CDKAL1: variants seen among roughly 807,000 people sequenced by gnomAD.
The protein encoded by CDKAL1 is threonylcarbamoyladenosine tRNA methylthiotransferase.
Under a neutral mutation model 68.2 loss-of-function variants are expected in CDKAL1, and 32 were observed. That is an observed-to-expected ratio of 0.47 (90% confidence interval 0.35 to 0.63). CDKAL1 has a LOEUF of 0.63. Among genes scored for constraint, CDKAL1 ranks in the 30% least tolerant of loss-of-function variants. CDKAL1 has a pLI of 0.00. For missense variants in CDKAL1, 606 were observed against 696.7 expected (o/e 0.87, Z 1.47); for synonymous variants, 234 against 244.3 (o/e 0.96, Z 0.39).
chr6:20,649,475 T>C (rs1768646003), intron 5 of CDKAL1, 98 bp downstream of exon 5: 1 of 646,164 alleles, frequency 1.5e-6, no homozygotes, highest in Non-Finnish European at 2.6e-6. Context: ...ATATTTAGTT[T>C]ATATTAAAAA....
intron 8 of CDKAL1, among the ~76,000 whole-genome samples, chr6:20,813,961 ATGCCTCT>A (rs1561799583): frequency 2.0e-5 from 3 of 152,008 alleles, no homozygotes; most frequent in African/African-American, 4.8e-5. Flanking sequence ...TTACAAAAAA[ATGCCTCT>A]TTTATTATTG....
intron 13 of CDKAL1, among the ~76,000 whole-genome samples, chr6:21,194,742 A>G (rs536181247): frequency 1.3e-5 from 2 of 152,304 alleles, no homozygotes; most frequent in East Asian, 1.9e-4. Context: ...AGGCTTGTAT[A>G]TGTTTCCTTA....
At chr6:20,563,434 A>C (rs1181026911) in intron 4 of CDKAL1, among the ~76,000 whole-genome samples, 1 of 152,202 alleles carries the variant, frequency 6.6e-6, no homozygotes, top group Admixed American at 6.5e-5. Flanking sequence ...TATCATTTCC[A>C]TTTGTAACGG....
At chr6:20,705,745 A>G (rs1236855657) in intron 5 of CDKAL1, among the ~76,000 whole-genome samples, 2 of 152,156 alleles carry the variant, frequency 1.3e-5, no homozygotes, top group Non-Finnish European at 2.9e-5. Flanking sequence ...ATTTTAGAGG[A>G]GTCTAGTACT....
At chr6:20,948,224 C>T (rs1394741854) in intron 9 of CDKAL1, among the ~76,000 whole-genome samples, 1 of 151,848 alleles carries the variant, frequency 6.6e-6, no homozygotes, top group African/African-American at 2.4e-5. Context: ...GCTCTGTTGC[C>T]CAGGCTGGTC....
At chr6:20,971,134 C>T (rs193059882) in intron 10 of CDKAL1, among the ~76,000 whole-genome samples, 6 of 152,246 alleles carry the variant, frequency 3.9e-5, no homozygotes, top group Middle Eastern at 3.4e-3. Context: ...GGCATGAGCC[C>T]ACCATGCACG....
chr6:20,858,427 T>C (rs17826361), intron 9 of CDKAL1, among the ~76,000 whole-genome samples: 10,156 of 152,220 alleles, frequency 0.067, 384 homozygotes, highest in Middle Eastern at 0.082. Context: ...AAAGGGACCT[T>C]GAACTTCCTT....
rs770070048 is a variant in CDKAL1, at chr6:21,198,059, T to A, written c.1338T>A (p.Ser446=). ...ERQQVLVTEE[S]FDSKFYVAHN... is the part of the protein sequence containing the mutation. ...AACAAGTGTTAGTAACAGAAGAATC[T>A]TTTGATTCCAAGTTTTATGTTGCAC... The change falls in exon 14 of 16, where the codon TCT becomes TCA. Residue 446 remains serine, a synonymous_variant. Coordinates refer to ENST00000274695, the MANE Select transcript of CDKAL1 (RefSeq NM_017774.3). 22 of 1,607,454 alleles carry A rather than the reference T, an allele frequency of 1.4e-5. 2 individuals carry two copies. In the South Asian group the frequency reaches 2.5e-4, roughly 18 times the overall value.
chr6:20,933,005 T>G (rs1397092998), intron 9 of CDKAL1, among the ~76,000 whole-genome samples: 2 of 152,196 alleles, frequency 1.3e-5, no homozygotes, highest in Non-Finnish European at 1.5e-5. Context: ...GTCCAGACAT[T>G]GAGTTAATCA....
chr6:21,165,081 C>T (rs554747777), intron 13 of CDKAL1, among the ~76,000 whole-genome samples: 2 of 152,366 alleles, frequency 1.3e-5, no homozygotes, highest in East Asian at 3.9e-4. Flanking sequence ...TCCTTCCTGG[C>T]CAAAGCCTTG....
intron 13 of CDKAL1, among the ~76,000 whole-genome samples, chr6:21,111,770 C>T (rs1367511585): frequency 6.6e-6 from 1 of 152,188 alleles, no homozygotes; most frequent in Non-Finnish European, 1.5e-5. Context: ...CCTCTGGTTG[C>T]ATGTCCATTT....
At chr6:20,573,326 A>G (rs879849127) in intron 4 of CDKAL1, among the ~76,000 whole-genome samples, 22 of 152,182 alleles carry the variant, frequency 1.4e-4, no homozygotes, top group Non-Finnish European at 2.8e-4. Flanking sequence ...TTGTATGCAA[A>G]TGACAGTTTT....
At chr6:21,009,262 A>G (rs1454375835) in intron 11 of CDKAL1, among the ~76,000 whole-genome samples, 1 of 152,208 alleles carries the variant, frequency 6.6e-6, no homozygotes, top group African/African-American at 2.4e-5. Context: ...ATAACTTCCA[A>G]GTAGGATAGT....
At chr6:20,585,274 G>C (rs1765303205) in intron 4 of CDKAL1, among the ~76,000 whole-genome samples, 2 of 151,924 alleles carry the variant, frequency 1.3e-5, no homozygotes, top group African/African-American at 2.4e-5. Context: ...GGATGGTCTC[G>C]ATCTCCTGAC....
At chr6:20,706,313 T>C (rs1052145027) in intron 5 of CDKAL1, among the ~76,000 whole-genome samples, 4 of 152,100 alleles carry the variant, frequency 2.6e-5, no homozygotes, top group Admixed American at 2.0e-4. Flanking sequence ...TAGGGTGAAA[T>C]AGAAGAAGGG....
At chr6:20,967,640 A>G (rs1219274903) in intron 10 of CDKAL1, among the ~76,000 whole-genome samples, 1 of 152,234 alleles carries the variant, frequency 6.6e-6, no homozygotes, top group Non-Finnish European at 1.5e-5. Context: ...ATATAAAAAC[A>G]AGAGTTACAA....
Position 20,641,365 on chromosome 6 carries a change from A to C in CDKAL1, c.287-7928A>C, listed in dbSNP as rs1768165311. Among the ~76,000 whole-genome samples the C allele has an allele frequency of 2.0e-5, 3 of 152,274 alleles. No individual in the cohort carries two copies. In the South Asian group the frequency reaches 6.2e-4, roughly 32 times the overall value. On this transcript the variant is annotated intron_variant, in intron 4 of 15. Transcript: ENST00000274695. ...ACAGATAGATATAAATTAAATATTC[A>C]TGTGTCCCTTCTCAGGATTAAGCAT...
chr6:21,129,227 A>G (rs1775168425), intron 13 of CDKAL1, among the ~76,000 whole-genome samples: 1 of 152,052 alleles, frequency 6.6e-6, no homozygotes, highest in African/African-American at 2.4e-5. Flanking sequence ...GGAAAAAAAC[A>G]TATTAGCAGT....
chr6:20,692,120 A>G lies in CDKAL1; in HGVS notation c.371+42743A>G, dbSNP rs1662080687. On this transcript the variant is annotated intron_variant, in intron 5 of 15. Transcript: ENST00000274695. ...ATTTTGACATTTACATAAGATTACT[A>G]TCTACCAATTGGAGTGTTTTTCTCC... 2.6e-5 allele frequency among the ~76,000 whole-genome samples: 4 copies of G among 152,204 alleles called. No homozygotes were observed. The South Asian group carries it at 8.3e-4, about 31-fold the overall frequency.
Sources: gnomAD v4.1 joint callset for allele counts (sites outside exome capture counted in the v4.1 genomes callset) on GRCh38, gnomAD v4.1.1 for gene constraint, MANE v1.5 for transcripts, NCBI Gene and HGNC (gene_info 2026-07-23, HGNC 2026-07-21) for gene names.